The following SULT2B1 variants were observed in gnomAD, a reference collection of about 807,000 sequenced individuals.
SULT2B1 encodes sulfotransferase family 2B member 1.
SULT2B1 carries 16 observed loss-of-function variants against 33.2 expected under a neutral mutation model. The ratio of observed to expected loss-of-function variants is 0.48; its 90% confidence interval spans 0.33 to 0.73. SULT2B1 has a LOEUF of 0.73. Among genes scored for constraint, SULT2B1 ranks in the 30% least tolerant of loss-of-function variants. The pLI, the probability that SULT2B1 is intolerant of heterozygous loss-of-function variation, is 0.02. For missense variants in SULT2B1, 500 were observed against 506.0 expected (o/e 0.99, Z 0.11); for synonymous variants, 186 against 200.5 (o/e 0.93, Z 0.61).
rs1182482384 is a variant in SULT2B1 at position 48,552,973 on chromosome 19, G to A, written c.71+650G>A. Among the ~76,000 whole-genome samples the A allele has an allele frequency of 2.6e-5, 4 of 152,134 alleles. No individual in the cohort carries two copies. The highest frequency in any genetic ancestry group is 6.6e-5 in the Admixed American group (1 of 15,258). On this transcript the variant is annotated intron_variant, in intron 1 of 6. Transcript: ENST00000201586. This position sits in a 1 kb window ranked among gnomAD's most constrained non-coding sequence, Gnocchi z 4.8. ...GGAAACTGAGGCTGGGAGGGAACGC[G>A]ACATGACCGCAATTACGCAGCTAGA...
chr19:48,575,128 AG>A (rs1973386763), intron 1 of SULT2B1, among the ~76,000 whole-genome samples: 1 of 46,008 alleles, frequency 2.2e-5, no homozygotes, highest in African/African-American at 7.7e-5. Context: ...TTTTTTTTTG[AG>A]ACAGAGTCTC....
At chr19:48,594,961 G>A (rs1343043958) in intron 5 of SULT2B1, among the ~76,000 whole-genome samples, 2 of 152,106 alleles carry the variant, frequency 1.3e-5, no homozygotes, top group Non-Finnish European at 2.9e-5. Flanking sequence ...GGTGGAGGTT[G>A]CAGTAAGCTG....
chr19:48,591,301 T>C (rs958080614), intron 3 of SULT2B1: 1 of 208,906 alleles, frequency 4.8e-6, no homozygotes, highest in Non-Finnish European at 9.7e-6. Context: ...TAAAACCCCA[T>C]CTCTACTAAA....
intron 1 of SULT2B1, among the ~76,000 whole-genome samples, chr19:48,567,693 G>A (rs1882910421): frequency 6.6e-6 from 1 of 152,154 alleles, no homozygotes; most frequent in South Asian, 2.1e-4. Flanking sequence ...CAACAGACCA[G>A]GTGCGGTGGC....
At chr19:48,562,870 G>C (rs1386788798) in intron 1 of SULT2B1, among the ~76,000 whole-genome samples, 1 of 151,786 alleles carries the variant, frequency 6.6e-6, no homozygotes, top group African/African-American at 2.4e-5. Context: ...AGTAGAGATG[G>C]GGTTTCACCA....
At position 48,552,250 on chromosome 19, in the gene SULT2B1, G is replaced by C. The variant is rs1228108057; in HGVS notation, c.-3G>C. 10 of 1,613,476 alleles carry C rather than the reference G, an allele frequency of 6.2e-6. No homozygotes were observed. The highest frequency in any genetic ancestry group is 1.7e-5 in the Admixed American group (1 of 59,932). Reference sequence around the variant, plus strand: ...CTCCCCTCCCCACCCTCACCCACCTGCCATGGACGGGCCCGCCGAGCCCCA... The same window carrying C: ...CTCCCCTCCCCACCCTCACCCACCTCCCATGGACGGGCCCGCCGAGCCCCA... On this transcript the variant is annotated 5_prime_UTR_variant, in exon 1 of 7. Coordinates refer to ENST00000201586, the MANE Select transcript of SULT2B1 (RefSeq NM_177973.2). This position sits in a 1 kb window ranked among gnomAD's most constrained non-coding sequence, Gnocchi z 4.8.
At chr19:48,554,340 C>T (rs113130573) in intron 1 of SULT2B1, among the ~76,000 whole-genome samples, 2 of 149,606 alleles carry the variant, frequency 1.3e-5, no homozygotes, top group Admixed American at 6.7e-5. Context: ...TTGCCCATCT[C>T]AGGGATGTCC....
In SULT2B1 at chr19:48,561,247, T is replaced by G. The variant is rs568734403; in HGVS notation, c.71+8924T>G. 3.2e-3 allele frequency among the ~76,000 whole-genome samples: 479 copies of G among 151,382 alleles called. 1 individual carries two copies. The highest frequency in any genetic ancestry group is 5.3e-3 in the Non-Finnish European group (360 of 67,888). On this transcript the variant is annotated intron_variant, in intron 1 of 6. Coordinates refer to ENST00000201586, the MANE Select transcript of SULT2B1 (RefSeq NM_177973.2). ...GAGTTCCAGACCAGCCTGACCAACA[T>G]GGAGAAACCCCGTCCTACTAAAAAT...
At chr19:48,593,616 T>TTTTATTTATTTTATTTAATTAA (rs1973672081) in intron 5 of SULT2B1, among the ~76,000 whole-genome samples, 2 of 151,252 alleles carry the variant, frequency 1.3e-5, no homozygotes, top group African/African-American at 4.9e-5. Flanking sequence ...TTTTATTTAT[T>TTTTATTTATTTTATTTAATTAA]TTTATTTATT....
intron 1 of SULT2B1, among the ~76,000 whole-genome samples, chr19:48,559,751 G>A (rs1016931813): frequency 7.2e-5 from 10 of 138,856 alleles, no homozygotes; most frequent in Admixed American, 5.4e-4. Context: ...CCCTAAGAGA[G>A]GTGTGGCCAG....
At chr19:48,581,986 C>A (rs1003992324) in intron 2 of SULT2B1, among the ~76,000 whole-genome samples, 27 of 151,636 alleles carry the variant, frequency 1.8e-4, no homozygotes. Flanking sequence ...CTTACTGCAA[C>A]CTCCGCCTCC....
rs757865968 is a variant in SULT2B1 at position 48,552,259 on chromosome 19, G to A, written c.7G>A (p.Gly3Arg). 2.2e-5 allele frequency: 36 copies of A among 1,613,656 alleles called. No individual in the cohort carries two copies. The highest frequency in any genetic ancestry group is 2.6e-5 in the Non-Finnish European group (31 of 1,179,880). Residue 3 changes from glycine to arginine, a missense_variant, in exon 1 of 7, where the codon GGG becomes AGG. Physicochemically the swap from Gly to Arg is moderately radical, Grantham distance 125. Transcript: ENST00000201586. This position sits in a 1 kb window ranked among gnomAD's most constrained non-coding sequence, Gnocchi z 4.8. ...CCACCCTCACCCACCTGCCATGGAC[G>A]GGCCCGCCGAGCCCCAGATCCCGGG... Reference protein sequence around the residue: MDGPAEPQIPGLW... With the variant: MDRPAEPQIPGLW...
intron 2 of SULT2B1, among the ~76,000 whole-genome samples, chr19:48,578,246 G>T (rs1183571202): frequency 6.6e-6 from 1 of 151,998 alleles, no homozygotes; most frequent in Non-Finnish European, 1.5e-5. Context: ...CAATGACTTT[G>T]CCATGTGCGT....
At chr19:48,585,829 T>TA (rs202081388) in intron 2 of SULT2B1, among the ~76,000 whole-genome samples, 74 of 151,838 alleles carry the variant, frequency 4.9e-4, no homozygotes, top group East Asian at 2.1e-3. Flanking sequence ...TAAAGTATAA[T>TA]AAAAAAAGGG....
intron 5 of SULT2B1, among the ~76,000 whole-genome samples, chr19:48,595,108 C>A (rs191200230): frequency 6.6e-6 from 1 of 151,916 alleles, no homozygotes; most frequent in African/African-American, 2.4e-5. Flanking sequence ...CATGGAGAAA[C>A]CCTGTCTTTA....
intron 2 of SULT2B1, among the ~76,000 whole-genome samples, chr19:48,581,777 G>A (rs1286778705): frequency 1.3e-5 from 2 of 151,020 alleles, no homozygotes; most frequent in African/African-American, 4.8e-5. Context: ...TATATGATGT[G>A]AGTACAGATC....
intron 2 of SULT2B1, among the ~76,000 whole-genome samples, chr19:48,577,434 C>T (rs1431413398): frequency 1.5e-5 from 2 of 129,568 alleles, no homozygotes; most frequent in Admixed American, 9.3e-5. Context: ...GGCGTGATCT[C>T]GGCTCACTGC....
chr19:48,588,476 C>A (rs1973596254), intron 3 of SULT2B1, among the ~76,000 whole-genome samples: 1 of 149,950 alleles, frequency 6.7e-6, no homozygotes, highest in Non-Finnish European at 1.5e-5. Context: ...CGCGCCATTG[C>A]ACTCCAGCCT....
rs189260578 is a variant in SULT2B1 at position 48,577,176 on chromosome 19, G to A, written c.214+1093G>A. On this transcript the variant is annotated intron_variant, in intron 2 of 6. Transcript: ENST00000201586. ...GCCTCCTGAGTAGCTGGGATCACAG[G>A]TGCCCGCCACCATGCGCGGCTACTT... Among the ~76,000 whole-genome samples, 122 of 150,840 alleles carry A rather than the reference G, an allele frequency of 8.1e-4. 3 individuals are homozygous for A. The East Asian group carries it at 0.018, about 22-fold the overall frequency.
Sources: allele counts gnomAD v4.1 joint callset (sites outside exome capture counted in the v4.1 genomes callset), GRCh38; gene constraint gnomAD v4.1.1; non-coding constraint Gnocchi (gnomAD v3.1); transcripts MANE v1.5; gene names NCBI Gene and HGNC (gene_info 2026-07-23, HGNC 2026-07-21).